WDPCP: variants seen among roughly 807,000 people sequenced by gnomAD.
WDPCP encodes WD repeat-containing and planar cell polarity effector protein fritz homolog.
Under a neutral mutation model 93.1 loss-of-function variants are expected in WDPCP, and 71 were observed. The observed-to-expected ratio is 0.76, with a 90% CI of 0.63 to 0.93. WDPCP has a LOEUF of 0.93. Ranked by LOEUF, WDPCP falls within the 40% of genes least tolerant of loss-of-function variation. The probability of loss-of-function intolerance (pLI) is 0.00; values close to 1 mark genes in which losing one functional copy is unlikely to be tolerated. For synonymous variants in WDPCP, 315 were observed against 315.0 expected, an observed-to-expected ratio of 1.00 and a Z score of 0.00; for missense variants, 844 against 887.4, an observed-to-expected ratio of 0.95 and a Z score of 0.62.
At chr2:63,253,138 A>C (rs1680878025) in intron 14 of WDPCP, among the ~76,000 whole-genome samples, 2 of 152,216 alleles carry the variant, frequency 1.3e-5, no homozygotes, top group South Asian at 4.1e-4. Context: ...GATCTTCGAC[A>C]GTCAAGAAAA....
intron 6 of WDPCP, among the ~76,000 whole-genome samples, chr2:63,449,530 C>A (rs930610549): frequency 2.6e-5 from 4 of 152,286 alleles, no homozygotes; most frequent in Non-Finnish European, 5.9e-5. Context: ...CCAAGATTGA[C>A]TGGGACCCTG....
intron 3 of WDPCP, among the ~76,000 whole-genome samples, chr2:63,609,877 A>C (rs915487257): frequency 7.2e-5 from 11 of 152,236 alleles, no homozygotes; most frequent in Non-Finnish European, 1.6e-4. Flanking sequence ...CTTTTTAAAA[A>C]ACAAAAGAAA....
intron 13 of WDPCP, among the ~76,000 whole-genome samples, chr2:63,267,852 A>C (rs1370701196): frequency 6.6e-6 from 1 of 152,206 alleles, no homozygotes; most frequent in African/African-American, 2.4e-5. Context: ...TATGAGGAGA[A>C]GGGAACCTGT....
At chr2:63,131,439 C>A (rs1670285144) in intron 17 of WDPCP, among the ~76,000 whole-genome samples, 1 of 152,108 alleles carries the variant, frequency 6.6e-6, no homozygotes, top group East Asian at 1.9e-4. Context: ...CTGATAACAA[C>A]TAATCTTCAT....
chr2:63,633,656 G>A (rs1225263836), intron 3 of WDPCP, among the ~76,000 whole-genome samples: 1 of 151,656 alleles, frequency 6.6e-6, no homozygotes, highest in East Asian at 1.9e-4. Context: ...AAACCACAAA[G>A]GAAGACAGGA....
At chr2:63,261,092 A>C (rs1681590526) in intron 13 of WDPCP, among the ~76,000 whole-genome samples, 1 of 152,210 alleles carries the variant, frequency 6.6e-6, no homozygotes, top group South Asian at 2.1e-4. Context: ...TACTGTGATA[A>C]AATCATTTCA....
chr2:63,647,978 T>C (rs927748512), intron 3 of WDPCP, among the ~76,000 whole-genome samples: 1 of 152,216 alleles, frequency 6.6e-6, no homozygotes, highest in Non-Finnish European at 1.5e-5. Flanking sequence ...ATGAATGATG[T>C]AACCCAACTT....
intron 14 of WDPCP, among the ~76,000 whole-genome samples, chr2:63,187,422 T>C (rs1460986127): frequency 6.6e-6 from 1 of 152,238 alleles, no homozygotes; most frequent in Non-Finnish European, 1.5e-5. Context: ...CCTGTATATC[T>C]TGTGGCTTTT....
intron 3 of WDPCP, among the ~76,000 whole-genome samples, chr2:63,649,161 C>A (rs1039889840): frequency 6.6e-6 from 1 of 152,194 alleles, no homozygotes; most frequent in Non-Finnish European, 1.5e-5. Flanking sequence ...AAACCCCATA[C>A]CTATTAGCAG....
At chr2:63,207,322 T>TC (rs1218417747) in intron 14 of WDPCP, among the ~76,000 whole-genome samples, 1 of 152,064 alleles carries the variant, frequency 6.6e-6, no homozygotes, top group Non-Finnish European at 1.5e-5. Flanking sequence ...CTGTAGCACC[T>TC]CCCCCTTCAC....
chr2:63,498,567 A>G (rs1386867333), intron 1 of WDPCP, among the ~76,000 whole-genome samples: 1 of 152,234 alleles, frequency 6.6e-6, no homozygotes, highest in African/African-American at 2.4e-5. Context: ...GCAAAATAGA[A>G]ATAGTTTCAC....
intron 12 of WDPCP, among the ~76,000 whole-genome samples, chr2:63,317,553 C>T (rs1010540907): frequency 1.3e-5 from 2 of 152,032 alleles, no homozygotes; most frequent in Non-Finnish European, 2.9e-5. Flanking sequence ...GGTACTGGTA[C>T]AAAAACAGAC....
intron 1 of WDPCP, among the ~76,000 whole-genome samples, chr2:63,815,852 G>A (rs1321093045): frequency 2.6e-5 from 4 of 151,966 alleles, no homozygotes; most frequent in Non-Finnish European, 5.9e-5. Context: ...AGACACAATG[G>A]AGTCAAACTG....
intron 1 of WDPCP, among the ~76,000 whole-genome samples, chr2:63,532,974 G>T (rs1403021658): frequency 2.0e-5 from 3 of 152,154 alleles, no homozygotes; most frequent in African/African-American, 7.2e-5. Flanking sequence ...CATCTCATGT[G>T]CAGAGACACA....
At chr2:63,563,635 T>C (rs1194454130) in intron 1 of WDPCP, among the ~76,000 whole-genome samples, 1 of 152,140 alleles carries the variant, frequency 6.6e-6, no homozygotes, top group Non-Finnish European at 1.5e-5. Flanking sequence ...GTGGTTGCTA[T>C]GGTTTCAATG....
At chr2:63,782,299 C>A (rs545745715) in intron 2 of WDPCP, among the ~76,000 whole-genome samples, 2 of 152,064 alleles carry the variant, frequency 1.3e-5, no homozygotes, top group East Asian at 1.9e-4. Context: ...GCAACAAAAC[C>A]AAAAATAGAC....
intron 2 of WDPCP, among the ~76,000 whole-genome samples, chr2:63,806,580 C>T (rs923217110): frequency 1.1e-4 from 17 of 152,108 alleles, no homozygotes; most frequent in African/African-American, 3.9e-4. Context: ...CGGTAATTTC[C>T]TCTTCCTAAT....
chr2:63,174,521 T>A lies in WDPCP; in HGVS notation c.2078+149A>T, dbSNP rs1574799446. The A allele has an allele frequency of 3.2e-6, 3 of 950,140 alleles. No individual in the cohort carries two copies. In the East Asian group the frequency reaches 7.9e-5, roughly 25 times the overall value. The allele number at this position is 950,140 out of a possible 1,614,324, so 58.9% of individuals were successfully genotyped here. ...TGCCATTCATTATGCCTGCTCCAAA[T>A]AACCAAACTACTGCAAAGTCTGAGC... is the stretch of plus-strand genomic sequence containing the variant. On this transcript the variant is annotated intron_variant, in intron 15 of 17. Coordinates refer to ENST00000272321, the MANE Select transcript of WDPCP (RefSeq NM_015910.7).
intron 3 of WDPCP, among the ~76,000 whole-genome samples, chr2:63,607,495 C>T (rs1709556838): frequency 6.6e-6 from 1 of 151,492 alleles, no homozygotes; most frequent in Non-Finnish European, 1.5e-5. Flanking sequence ...AAGATTGCGC[C>T]ACTGCACTCC....
Sources: gnomAD v4.1 joint callset for allele counts (sites outside exome capture counted in the v4.1 genomes callset) on GRCh38, gnomAD v4.1.1 for gene constraint, MANE v1.5 for transcripts, NCBI Gene and HGNC (gene_info 2026-07-23, HGNC 2026-07-21) for gene names.